CBLB: variants seen among roughly 807,000 people sequenced by gnomAD.
CBLB encodes the protein E3 ubiquitin-protein ligase CBL-B.
CBLB carries 31 observed loss-of-function variants against 104.9 expected under a neutral mutation model. The observed-to-expected ratio is 0.30, with a 90% CI of 0.22 to 0.40. CBLB has a LOEUF of 0.40. Among genes scored for constraint, CBLB ranks in the 10% least tolerant of loss-of-function variants. The pLI is 1.00. For synonymous variants in CBLB, 440 were observed against 422.6 expected (o/e 1.04, Z -0.51); for missense variants, 1,062 against 1,214.6 (o/e 0.87, Z 1.87).
chr3:105,746,119 C>T (rs548807995), intron 5 of CBLB, 81 bp from the exon 6 acceptor site: 25 of 934,388 alleles, frequency 2.7e-5, no homozygotes, highest in Admixed American at 3.9e-5. Context: ...ATATTTAATA[C>T]ACTTAACATT....
intron 9 of CBLB, among the ~76,000 whole-genome samples, chr3:105,726,769 T>G (rs758231943): frequency 6.6e-6 from 1 of 152,200 alleles, no homozygotes. Flanking sequence ...GTTCTCAATG[T>G]TCAACTTCCA....
intron 18 of CBLB, among the ~76,000 whole-genome samples, chr3:105,663,739 G>A (rs1422753657): frequency 1.3e-5 from 2 of 152,112 alleles, no homozygotes; most frequent in African/African-American, 4.8e-5. Flanking sequence ...TCTAGACGGG[G>A]GCAATCATTG....
chr3:105,725,561 C>G (rs2073484702), intron 9 of CBLB, among the ~76,000 whole-genome samples: 1 of 152,126 alleles, frequency 6.6e-6, no homozygotes, highest in African/African-American at 2.4e-5. Flanking sequence ...AGTTCCTTTC[C>G]TTTTCTAGTG....
At chr3:105,746,630 A>G (rs1043112994) in intron 5 of CBLB, among the ~76,000 whole-genome samples, 8 of 152,134 alleles carry the variant, frequency 5.3e-5, no homozygotes, top group African/African-American at 1.9e-4. Flanking sequence ...CACTTCCTCA[A>G]TGAAGCCTTC....
At chr3:105,711,863 C>T (rs531551214) in intron 10 of CBLB, among the ~76,000 whole-genome samples, 42 of 152,046 alleles carry the variant, frequency 2.8e-4, no homozygotes, top group Non-Finnish European at 5.4e-4. Flanking sequence ...CTATGTTCCA[C>T]TAGTAACTTC....
intron 18 of CBLB, among the ~76,000 whole-genome samples, chr3:105,664,033 T>C (rs556370496): frequency 3.5e-4 from 53 of 152,230 alleles, no homozygotes; most frequent in Admixed American, 1.3e-3. Flanking sequence ...TCAGTGGCTG[T>C]CAATTATTTT....
chr3:105,744,910 C>G (rs2075960264), intron 6 of CBLB, among the ~76,000 whole-genome samples: 1 of 151,992 alleles, frequency 6.6e-6, no homozygotes, highest in Non-Finnish European at 1.5e-5. Context: ...AGCCTGGTGA[C>G]AGAGCAAGAC....
intron 4 of CBLB, among the ~76,000 whole-genome samples, chr3:105,770,010 A>G (rs2078674097): frequency 6.6e-6 from 1 of 152,122 alleles, no homozygotes; most frequent in African/African-American, 2.4e-5. Context: ...TTCAAGAGTT[A>G]GAATCTGTGT....
intron 17 of CBLB, among the ~76,000 whole-genome samples, chr3:105,677,524 T>C (rs1039991609): frequency 9.2e-5 from 14 of 151,910 alleles, no homozygotes; most frequent in Admixed American, 6.6e-5. Context: ...TTATCTCATG[T>C]AGAAATGTAA....
Position 105,702,251 on chromosome 3 carries a change from G to A in CBLB, c.1802C>T (p.Thr601Ile), listed in dbSNP as rs773276515. ...EAWCPRDVFG[T>I]NQLVGCRLLG... ...GAGTCGACATCCCACAAGCTGATTA[G>A]TCCCAAACACATCCCGAGGGCACCA... is the stretch of plus-strand genomic sequence containing the variant. The change falls in exon 12 of 19, where the codon ACT becomes ATT. Residue 601 changes from threonine to isoleucine, a missense_variant. Coordinates refer to ENST00000394030, the MANE Select transcript of CBLB (RefSeq NM_170662.5). The A allele has an allele frequency of 3.7e-6, 6 of 1,614,006 alleles. No individual in the cohort carries two copies. Among genetic ancestry groups the A allele is most frequent in the Non-Finnish European group, 5.1e-6 (6 of 1,179,974 alleles).
At chr3:105,689,066 C>T (rs2067351533) in intron 13 of CBLB, among the ~76,000 whole-genome samples, 2 of 152,018 alleles carry the variant, frequency 1.3e-5, no homozygotes, top group Admixed American at 6.6e-5. Context: ...ATAAACCTCT[C>T]TATCATTATT....
chr3:105,799,174 G>GAAAA (rs1471114207), intron 3 of CBLB, among the ~76,000 whole-genome samples: 1 of 35,140 alleles, frequency 2.8e-5, no homozygotes, highest in African/African-American at 1.3e-4. Flanking sequence ...TAATGACAAA[G>GAAAA]AACAAAAAAA....
At chr3:105,788,766 A>C (rs2081310235) in intron 3 of CBLB, among the ~76,000 whole-genome samples, 1 of 152,216 alleles carries the variant, frequency 6.6e-6, no homozygotes, top group African/African-American at 2.4e-5. Flanking sequence ...CTCCCCTTTT[A>C]CTGAAGTAGC....
chr3:105,721,887 T>C (rs945727519), intron 9 of CBLB, among the ~76,000 whole-genome samples: 4 of 152,092 alleles, frequency 2.6e-5, no homozygotes, highest in Non-Finnish European at 4.4e-5. Flanking sequence ...AAACTCCCCT[T>C]GTTATAAAAG....
chr3:105,837,859 C>T (rs1033412215), intron 3 of CBLB, among the ~76,000 whole-genome samples: 6 of 152,134 alleles, frequency 3.9e-5, no homozygotes, highest in African/African-American at 1.4e-4. Flanking sequence ...AACAAGCCTT[C>T]AGACACTTCA....
At chr3:105,670,390 T>C (rs991505996) in intron 17 of CBLB, 38 bp from the exon 18 acceptor site, 7 of 1,571,214 alleles carry the variant, frequency 4.5e-6, no homozygotes, top group Non-Finnish European at 5.2e-6. Flanking sequence ...AAAAGGATGA[T>C]CTCTGTTGAT....
rs1560096948 is a variant in CBLB, at chr3:105,754,529, G to GAGAGAGAGAGAGAC, written c.567-2912_567-2911insGTCTCTCTCTCTCT. Reference sequence around the variant, plus strand: ...AGAGAGAGAGAGAGAGAGACAGAGAGAGAGAGAGAGAGAGAGAGAGAGAGA... The same window carrying GAGAGAGAGAGAGAC: ...AGAGAGAGAGAGAGAGAGACAGAGAGAGAGAGAGAGAGACAGAGAGAGAGAGAGAGAGAGAGAGA... On this transcript the variant is annotated intron_variant, in intron 4 of 18. Transcript: ENST00000394030. Among the ~76,000 whole-genome samples the GAGAGAGAGAGAGAC allele has an allele frequency of 1.6e-3, 134 of 84,574 alleles. 3 individuals carry two copies. Among genetic ancestry groups the GAGAGAGAGAGAGAC allele is most frequent in the Non-Finnish European group, 1.9e-3 (83 of 42,848 alleles). 55.5% of individuals were successfully genotyped at this position (84,574 alleles called of 152,430 possible).
rs34208930 is a variant in CBLB, at chr3:105,702,476, GAAAAAAAAA to G, written c.1594-26_1594-18del. On this transcript the variant is annotated intron_variant, in intron 11 of 18. Coordinates refer to ENST00000394030, the MANE Select transcript of CBLB (RefSeq NM_170662.5). ...AGGAGAAGACTAAAGAAACAGAAGA[GAAAAAAAAA>G]AAAAAAAAAAAAAACTAAAGGTTGT... 25 of 279,634 alleles carry G rather than the reference GAAAAAAAAA, an allele frequency of 8.9e-5. No homozygotes were observed. Among genetic ancestry groups the G allele is most frequent in the Middle Eastern group, 1.7e-3 (1 of 598 alleles). 17.3% of individuals were successfully genotyped at this position (279,634 alleles called of 1,614,324 possible).
chr3:105,818,933 T>C (rs770230074), intron 3 of CBLB, among the ~76,000 whole-genome samples: 3 of 152,140 alleles, frequency 2.0e-5, no homozygotes, highest in Non-Finnish European at 4.4e-5. Context: ...GAAGCAAAAC[T>C]ATAGTGAAAA....
Sources: allele counts gnomAD v4.1 joint callset (sites outside exome capture counted in the v4.1 genomes callset), GRCh38; gene constraint gnomAD v4.1.1; transcripts MANE v1.5; gene names NCBI Gene and HGNC (gene_info 2026-07-23, HGNC 2026-07-21).